PTPRK: variants seen among roughly 807,000 people sequenced by gnomAD.
PTPRK encodes receptor-type tyrosine-protein phosphatase kappa.
A neutral mutation model predicts 178.0 loss-of-function variants in PTPRK; 75 were observed. The ratio of observed to expected loss-of-function variants is 0.42; its 90% confidence interval spans 0.35 to 0.51. The LOEUF (loss-of-function observed/expected upper bound fraction) is 0.51. PTPRK is among the 20% of genes least tolerant of loss of function. The probability of loss-of-function intolerance (pLI) is 0.02; values close to 1 mark genes in which losing one functional copy is unlikely to be tolerated. For synonymous variants in PTPRK, 637 were observed against 620.6 expected, an observed-to-expected ratio of 1.03 and a Z score of -0.39; for missense variants, 1,441 against 1,797.8, an observed-to-expected ratio of 0.80 and a Z score of 3.59.
intron 1 of PTPRK, 67 bp downstream of exon 1, chr6:128,520,192 G>A (rs945616783): frequency 2.2e-6 from 3 of 1,368,586 alleles, no homozygotes; most frequent in East Asian, 2.5e-5. Context: ...CCCTAGCGGG[G>A]ACCTGGCTCA....
At chr6:128,036,798 C>A (rs528033099) in intron 13 of PTPRK, among the ~76,000 whole-genome samples, 1 of 151,248 alleles carries the variant, frequency 6.6e-6, no homozygotes, top group Non-Finnish European at 1.5e-5. Flanking sequence ...TGCAATGGTG[C>A]GATCTCGGCT....
At chr6:128,390,864 T>C (rs1839450678) in intron 2 of PTPRK, among the ~76,000 whole-genome samples, 1 of 152,146 alleles carries the variant, frequency 6.6e-6, no homozygotes, top group Non-Finnish European at 1.5e-5. Context: ...CAGTAAGTGG[T>C]AGCTAATAGT....
intron 8 of PTPRK, among the ~76,000 whole-genome samples, chr6:128,086,951 A>G (rs1032230986): frequency 7.9e-5 from 12 of 152,128 alleles, no homozygotes; most frequent in African/African-American, 2.9e-4. Flanking sequence ...ATTGAAAATG[A>G]TATTAAAATT....
Position 128,005,229 on chromosome 6 carries a change from T to G in PTPRK, c.2349A>C (p.Lys783Asn). Residue 783 changes from lysine to asparagine, a missense_variant, in exon 15 of 30, where the codon AAA becomes AAC. Around this residue, in one of 4 missense-constraint regions of PTPRK, gnomAD observed 945 missense variants for 1,080.6 expected, o/e 0.87. Transcript: ENST00000368226. ...GGGTATTCCCCATGGCATCTTTGCG[T>G]TTTTTAGCAAGTTTGCTGCCAAGGC... ...LIVKKSKLAK[K>N]RKDAMGNTRQ... The G allele has an allele frequency of 6.2e-7, 1 of 1,611,066 alleles. No individual in the cohort carries two copies. Among genetic ancestry groups the G allele is most frequent in the Non-Finnish European group, 8.5e-7 (1 of 1,178,224 alleles).
At chr6:128,343,233 T>G (rs1219724241) in intron 2 of PTPRK, among the ~76,000 whole-genome samples, 1 of 152,082 alleles carries the variant, frequency 6.6e-6, no homozygotes, top group Non-Finnish European at 1.5e-5. Context: ...CCGGGCGCAG[T>G]GGCTCACGCC....
At chr6:128,258,454 G>A (rs1817676239) in intron 3 of PTPRK, among the ~76,000 whole-genome samples, 1 of 152,108 alleles carries the variant, frequency 6.6e-6, no homozygotes, top group South Asian at 2.1e-4. Context: ...AAAATCCAAG[G>A]CACTGGGAAA....
At position 128,436,130 on chromosome 6, in the gene PTPRK, G is replaced by GT. The variant is rs1845571306; in HGVS notation, c.101-38443dup. ...AAAAAGATAATTTGTTGCTCTTTGG[G>GT]TCTCGACCAACATTTTTCCAAAGCA... On this transcript the variant is annotated intron_variant, in intron 1 of 29. Transcript: ENST00000368226. Among the ~76,000 whole-genome samples, 3 of 151,842 alleles carry GT rather than the reference G, an allele frequency of 2.0e-5. No homozygotes were observed. The South Asian group carries it at 6.2e-4, about 32-fold the overall frequency.
intron 1 of PTPRK, among the ~76,000 whole-genome samples, chr6:128,407,079 G>T (rs975568455): frequency 6.6e-6 from 1 of 152,092 alleles, no homozygotes; most frequent in Non-Finnish European, 1.5e-5. Flanking sequence ...ACTTAGAAAC[G>T]TGTGTCAATT....
intron 5 of PTPRK, among the ~76,000 whole-genome samples, chr6:128,236,141 A>C (rs1386476659): frequency 2.0e-5 from 3 of 152,076 alleles, no homozygotes; most frequent in African/African-American, 7.2e-5. Flanking sequence ...CCCCAAGGAT[A>C]GGAGAACACT....
chr6:128,467,686 T>C (rs1342058280), intron 1 of PTPRK, among the ~76,000 whole-genome samples: 1 of 152,246 alleles, frequency 6.6e-6, no homozygotes, highest in East Asian at 1.9e-4. Flanking sequence ...ACTCGTAGGT[T>C]TCCTTTGCAA....
chr6:128,150,048 T>C (rs1259168814), intron 7 of PTPRK, among the ~76,000 whole-genome samples: 2 of 152,198 alleles, frequency 1.3e-5, no homozygotes, highest in Non-Finnish European at 2.9e-5. Flanking sequence ...TGTTTGCTCA[T>C]GAGCTGGAGG....
intron 1 of PTPRK, among the ~76,000 whole-genome samples, chr6:128,466,782 CAA>C (rs1392305198): frequency 6.6e-6 from 1 of 151,786 alleles, no homozygotes; most frequent in Non-Finnish European, 1.5e-5. Flanking sequence ...GAAATGCACA[CAA>C]TATTTTTCAG....
At chr6:128,324,300 G>T (rs1216383469) in intron 2 of PTPRK, among the ~76,000 whole-genome samples, 1 of 151,984 alleles carries the variant, frequency 6.6e-6, no homozygotes, top group Non-Finnish European at 1.5e-5. Context: ...TGATTTATTG[G>T]CTTTCTAATA....
At chr6:128,357,052 A>C (rs1020107121) in intron 2 of PTPRK, among the ~76,000 whole-genome samples, 3 of 152,180 alleles carry the variant, frequency 2.0e-5, no homozygotes, top group Admixed American at 2.0e-4. Flanking sequence ...GAGAGGTAGA[A>C]AAGAGAATTT....
intron 13 of PTPRK, among the ~76,000 whole-genome samples, chr6:128,014,967 T>G (rs1485608931): frequency 6.6e-6 from 1 of 151,654 alleles, no homozygotes; most frequent in African/African-American, 2.4e-5. Flanking sequence ...GAAAATAATT[T>G]ATTCTCCTTT....
At chr6:128,419,852 C>T (rs1369583590) in intron 1 of PTPRK, among the ~76,000 whole-genome samples, 1 of 152,188 alleles carries the variant, frequency 6.6e-6, no homozygotes, top group African/African-American at 2.4e-5. Flanking sequence ...ATCTGTTCCT[C>T]TAAAGTCTTC....
intron 1 of PTPRK, among the ~76,000 whole-genome samples, chr6:128,436,437 C>A (rs571635584): frequency 6.6e-6 from 1 of 152,268 alleles, no homozygotes; most frequent in African/African-American, 2.4e-5. Context: ...TTGTCGCTTA[C>A]TTTAGAAATT....
chr6:128,377,142 A>T (rs1436520836), intron 2 of PTPRK, among the ~76,000 whole-genome samples: 3 of 152,154 alleles, frequency 2.0e-5, no homozygotes, highest in African/African-American at 7.2e-5. Flanking sequence ...CACTCCTGGT[A>T]CCAATTTACT....
intron 2 of PTPRK, among the ~76,000 whole-genome samples, chr6:128,384,261 T>G (rs1461641122): frequency 6.6e-6 from 1 of 152,226 alleles, no homozygotes; most frequent in East Asian, 1.9e-4. Flanking sequence ...AATGTTGGCC[T>G]TGTCCATATT....
Sources: gnomAD v4.1 joint callset for allele counts (sites outside exome capture counted in the v4.1 genomes callset) on GRCh38, gnomAD v4.1.1 for gene constraint, gnomAD v4.1.1 regional missense constraint, MANE v1.5 for transcripts, NCBI Gene and HGNC (gene_info 2026-07-23, HGNC 2026-07-21) for gene names.